Variants in DKK2 observed in about 807,000 individuals in gnomAD.
The protein encoded by DKK2 is dickkopf-related protein 2.
In DKK2, 11 loss-of-function variants were observed where a neutral mutation model predicts 28.1. That is an observed-to-expected ratio of 0.39 (90% CI 0.25 to 0.65). The LOEUF is 0.65. Among genes scored for constraint, DKK2 ranks in the 30% least tolerant of loss-of-function variants. DKK2 has a pLI of 0.47. For missense variants in DKK2, 326 were observed against 335.5 expected, an observed-to-expected ratio of 0.97 and a Z score of 0.22; for synonymous variants, 135 against 126.5, an observed-to-expected ratio of 1.07 and a Z score of -0.45.
intron 1 of DKK2, among the ~76,000 whole-genome samples, chr4:106,944,192 C>T (rs896987437): frequency 2.0e-5 from 3 of 152,066 alleles, no homozygotes; most frequent in Non-Finnish European, 4.4e-5. Flanking sequence ...CAGTACCTAA[C>T]AAGTAAAGTA....
chr4:106,961,373 T>G (rs1305990800), intron 1 of DKK2, among the ~76,000 whole-genome samples: 1 of 152,176 alleles, frequency 6.6e-6, no homozygotes, highest in Non-Finnish European at 1.5e-5. Flanking sequence ...AACTTTAATA[T>G]TTAATTATAG....
intron 1 of DKK2, among the ~76,000 whole-genome samples, chr4:106,932,839 G>A (rs447372): frequency 0.47 from 71,377 of 151,964 alleles, 18,369 homozygotes; most frequent in African/African-American, 0.68. Flanking sequence ...TTTTCCTGAT[G>A]TCATGACCTA....
At chr4:106,941,587 G>C (rs918181529) in intron 1 of DKK2, among the ~76,000 whole-genome samples, 1 of 152,094 alleles carries the variant, frequency 6.6e-6, no homozygotes, top group East Asian at 1.9e-4. Flanking sequence ...TCACACAGCA[G>C]TTTATGCAGT....
chr4:106,936,978 G>T (rs554419797), intron 1 of DKK2, among the ~76,000 whole-genome samples: 88 of 152,130 alleles, frequency 5.8e-4, no homozygotes, highest in African/African-American at 2.0e-3. Flanking sequence ...GCTAAACATG[G>T]AAAGGAACAA....
At chr4:106,967,187 A>T (rs1722795300) in intron 1 of DKK2, among the ~76,000 whole-genome samples, 1 of 152,086 alleles carries the variant, frequency 6.6e-6, no homozygotes, top group African/African-American at 2.4e-5. Context: ...GAGAAGACAA[A>T]CACAACATTT....
chr4:106,928,203 T>A (rs1724450717), intron 1 of DKK2, among the ~76,000 whole-genome samples: 1 of 152,142 alleles, frequency 6.6e-6, no homozygotes, highest in South Asian at 2.1e-4. Context: ...GCCTTATATT[T>A]GAATGGGATT....
chr4:106,937,989 A>T (rs1724626410), intron 1 of DKK2, among the ~76,000 whole-genome samples: 1 of 143,334 alleles, frequency 7.0e-6, no homozygotes, highest in Admixed American at 7.0e-5. Flanking sequence ...GGAAATTTAT[A>T]GCACTAAATG....
At chr4:106,939,192 T>A (rs1244421643) in intron 1 of DKK2, among the ~76,000 whole-genome samples, 1 of 152,160 alleles carries the variant, frequency 6.6e-6, no homozygotes, top group South Asian at 2.1e-4. Context: ...GCAGATGACA[T>A]GACTGTATAT....
In DKK2 at chr4:107,012,990, C is replaced by T. The variant is rs893666150; in HGVS notation, c.222+22380G>A. Among the ~76,000 whole-genome samples the T allele has an allele frequency of 6.0e-5, 9 of 150,672 alleles. 1 individual carries two copies. Among genetic ancestry groups the T allele is most frequent in the Admixed American group, 6.0e-4 (9 of 15,088 alleles). On this transcript the variant is annotated intron_variant, in intron 1 of 3. Transcript: ENST00000285311. ...ATTTAAACATCTTTAGATTATCAAC[C>T]ACAAGAGTGAACCCACCATCCAACC...
intron 1 of DKK2, among the ~76,000 whole-genome samples, chr4:106,932,888 G>T (rs559259351): frequency 6.6e-6 from 1 of 152,232 alleles, no homozygotes; most frequent in South Asian, 2.1e-4. Context: ...GGCAAAATTT[G>T]GAGTTATACT....
At chr4:107,017,035 G>A (rs931483648) in intron 1 of DKK2, among the ~76,000 whole-genome samples, 4 of 151,912 alleles carry the variant, frequency 2.6e-5, no homozygotes, top group Non-Finnish European at 5.9e-5. Context: ...TGGTGAGGAC[G>A]AAATGTCATA....
At chr4:106,968,110 G>A (rs1452987005) in intron 1 of DKK2, among the ~76,000 whole-genome samples, 4 of 146,630 alleles carry the variant, frequency 2.7e-5, no homozygotes, top group African/African-American at 1.0e-4. Context: ...GAAAGGTGGA[G>A]AAAAGAGAGG....
intron 2 of DKK2, 99 bp from the exon 3 acceptor site, chr4:106,924,799 A>G: frequency 1.7e-6 from 2 of 1,160,972 alleles, no homozygotes; most frequent in Non-Finnish European, 2.4e-6. Flanking sequence ...CCATTTATCT[A>G]TCTGTGTATC....
intron 1 of DKK2, among the ~76,000 whole-genome samples, chr4:106,967,410 G>A (rs149585880): frequency 2.1e-4 from 32 of 152,220 alleles, no homozygotes; most frequent in African/African-American, 6.0e-4. Context: ...CCAAGCTGAG[G>A]AAAAGTACCA....
chr4:106,953,159 C>T (rs1177343270), intron 1 of DKK2, among the ~76,000 whole-genome samples: 1 of 152,094 alleles, frequency 6.6e-6, no homozygotes, highest in Non-Finnish European at 1.5e-5. Context: ...TGTTTCAACT[C>T]CTTGTTCAAA....
At chr4:107,007,768 G>A (rs571683035) in intron 1 of DKK2, among the ~76,000 whole-genome samples, 17 of 152,224 alleles carry the variant, frequency 1.1e-4, no homozygotes, top group African/African-American at 4.1e-4. Context: ...CTGAAGTGTG[G>A]CCTGGGCATT....
At chr4:106,936,179 G>A (rs1399959525) in intron 1 of DKK2, among the ~76,000 whole-genome samples, 1 of 152,032 alleles carries the variant, frequency 6.6e-6, no homozygotes, top group Non-Finnish European at 1.5e-5. Context: ...AGCTACGGGA[G>A]GACATTCAAA....
chr4:106,933,278 G>T (rs1724528885), intron 1 of DKK2, among the ~76,000 whole-genome samples: 1 of 152,188 alleles, frequency 6.6e-6, no homozygotes, highest in African/African-American at 2.4e-5. Flanking sequence ...ATGCAACTCA[G>T]TATTACCTCC....
chr4:106,959,057 T>C (rs573275701), intron 1 of DKK2, among the ~76,000 whole-genome samples: 18 of 150,968 alleles, frequency 1.2e-4, no homozygotes, highest in African/African-American at 3.6e-4. Flanking sequence ...TAAATACATA[T>C]GTGTAAATTT....
Sources: allele counts gnomAD v4.1 joint callset (sites outside exome capture counted in the v4.1 genomes callset), GRCh38; gene constraint gnomAD v4.1.1; transcripts MANE v1.5; gene names NCBI Gene and HGNC (gene_info 2026-07-23, HGNC 2026-07-21).